ARMC3: variants seen among roughly 807,000 people sequenced by gnomAD.
ARMC3 encodes the protein armadillo repeat containing 3.
Under a neutral mutation model 90.3 loss-of-function variants are expected in ARMC3, and 74 were observed. The observed-to-expected ratio is 0.82, with a 90% confidence interval of 0.68 to 0.99. The LOEUF (loss-of-function observed/expected upper bound fraction) is 0.99, where lower values mean the gene tolerates loss of function less well. ARMC3 is among the 50% of genes least tolerant of loss of function. The pLI, the probability that ARMC3 is intolerant of heterozygous loss-of-function variation, is 0.00. For missense variants in ARMC3, 958 were observed against 1,042.8 expected (o/e 0.92, Z 1.12); for synonymous variants, 334 against 361.8 (o/e 0.92, Z 0.87).
chr10:22,981,314 A>T (rs1836170882), intron 8 of ARMC3, 26 bp from the exon 9 acceptor site: 4 of 1,565,708 alleles, frequency 2.6e-6, no homozygotes, highest in South Asian at 2.4e-5. Context: ...AAAATTCTGA[A>T]TTTTTTTCCC....
intron 1 of ARMC3, among the ~76,000 whole-genome samples, chr10:22,929,315 AGAAAGGAAAG>A (rs144228471): frequency 0.026 from 3,852 of 150,592 alleles, 62 homozygotes; most frequent in African/African-American, 0.036. Flanking sequence ...AAAAAGAAAA[AGAAAGGAAAG>A]GAAAGGAAAG....
At chr10:22,963,534 G>A (rs1835294320) in intron 7 of ARMC3, among the ~76,000 whole-genome samples, 1 of 151,944 alleles carries the variant, frequency 6.6e-6, no homozygotes, top group African/African-American at 2.4e-5. Context: ...TTTTTATTCA[G>A]CATTGTCCTG....
chr10:22,968,196 C>A, intron 7 of ARMC3, 110 bp from the exon 8 acceptor site: 2 of 1,024,900 alleles, frequency 2.0e-6, no homozygotes, highest in Non-Finnish European at 2.9e-6. Context: ...TCTGTCACAA[C>A]AAAAATCATG....
chr10:23,019,037 C>T (rs960861346), intron 16 of ARMC3, among the ~76,000 whole-genome samples: 3 of 152,210 alleles, frequency 2.0e-5, no homozygotes, highest in Admixed American at 6.5e-5. Flanking sequence ...TGCTGGTTCT[C>T]CCAATGTGGG....
At chr10:23,030,954 A>G in intron 17 of ARMC3, 158 bp downstream of exon 17, 1 of 803,974 alleles carries the variant, frequency 1.2e-6, no homozygotes, top group South Asian at 2.2e-5. Context: ...AAAGTCCTCA[A>G]CTTCTATTTA....
intron 7 of ARMC3, among the ~76,000 whole-genome samples, chr10:22,963,437 A>G (rs1052752749): frequency 1.3e-5 from 2 of 152,168 alleles, no homozygotes; most frequent in African/African-American, 2.4e-5. Context: ...TTCAAAGAAC[A>G]CAAAAATATA....
chr10:22,951,976 A>G (rs1351483411), intron 3 of ARMC3, among the ~76,000 whole-genome samples: 1 of 151,920 alleles, frequency 6.6e-6, no homozygotes, highest in Non-Finnish European at 1.5e-5. Context: ...CAAAATACAG[A>G]AAATTAGGTG....
chr10:23,026,648 A>G (rs1838727017), intron 16 of ARMC3, among the ~76,000 whole-genome samples: 1 of 152,188 alleles, frequency 6.6e-6, no homozygotes, highest in South Asian at 2.1e-4. Context: ...ATCACATCAT[A>G]CTTAATGGTA....
At chr10:22,984,882 T>G (rs980704215) in intron 10 of ARMC3, among the ~76,000 whole-genome samples, 8 of 137,398 alleles carry the variant, frequency 5.8e-5, no homozygotes, top group Admixed American at 2.8e-4. Flanking sequence ...CAACCTTCTG[T>G]TTTTTTTTTA....
intron 1 of ARMC3, among the ~76,000 whole-genome samples, chr10:22,929,267 G>GGAGA (rs931480338): frequency 7.6e-6 from 1 of 131,234 alleles, no homozygotes; most frequent in East Asian, 2.1e-4. Context: ...AGAGAGAGAG[G>GGAGA]GAGAGAGAGA....
chr10:22,959,099 G>T lies in ARMC3; in HGVS notation c.322G>T (p.Asp108Tyr). Residue 108 changes from aspartate (D) to tyrosine (Y), a missense_variant, in exon 5 of 19, where the codon GAT (aspartate) becomes TAT (tyrosine). By Grantham distance (160) the Asp-to-Tyr change is radical (BLOSUM62 -3). Transcript: ENST00000298032. Reference protein sequence around the residue: ...NDVKKLLRELDVMNSVIAQLA... With the variant: ...NDVKKLLRELYVMNSVIAQLA... ...TGTTAAAAAATTGTTAAGGGAGTTA[G>T]ATGTCATGAATTCTGTCATTGCCCA... 1.2e-6 allele frequency: 2 copies of T among 1,613,004 alleles called. No homozygotes were observed. The highest frequency in any genetic ancestry group is 1.7e-6 in the Non-Finnish European group (2 of 1,179,008).
chr10:23,000,076 G>A (rs763439155), intron 11 of ARMC3, among the ~76,000 whole-genome samples: 12 of 151,834 alleles, frequency 7.9e-5, no homozygotes, highest in Non-Finnish European at 1.8e-4. Flanking sequence ...TCTTTCTAAC[G>A]TGTGGCCCTG....
chr10:23,015,018 A>T (rs1321930921), intron 16 of ARMC3, among the ~76,000 whole-genome samples: 2 of 152,152 alleles, frequency 1.3e-5, no homozygotes, highest in Admixed American at 6.5e-5. Flanking sequence ...AAAATAAATT[A>T]AAAAAGTGAG....
chr10:22,957,592 G>A (rs1190753139), intron 4 of ARMC3, among the ~76,000 whole-genome samples: 1 of 152,172 alleles, frequency 6.6e-6, no homozygotes, highest in Non-Finnish European at 1.5e-5. Flanking sequence ...CAAGGGGCCA[G>A]GCACTGTGCT....
rs200147162 is a variant in ARMC3 at position 23,002,069 on chromosome 10, A to G, written c.1562+14A>G. On this transcript the variant is annotated intron_variant, in intron 12 of 18. Coordinates refer to ENST00000298032, the MANE Select transcript of ARMC3 (RefSeq NM_173081.5). ...ATGCAGGCTCGGGTGAGTGGATGCC[A>G]TCTCAAGTTTCTGGCTCAGATGAAG... is the stretch of plus-strand genomic sequence containing the variant. The G allele has an allele frequency of 9.6e-5, 154 of 1,611,798 alleles. No individual in the cohort carries two copies. The highest frequency in any genetic ancestry group is 1.3e-4 in the Non-Finnish European group (151 of 1,179,112).
intron 16 of ARMC3, among the ~76,000 whole-genome samples, chr10:23,010,574 C>T (rs571063872): frequency 1.3e-4 from 18 of 136,968 alleles, no homozygotes; most frequent in African/African-American, 4.6e-4. Flanking sequence ...CTTCTCTCCC[C>T]TCTCTTTCCC....
At chr10:22,958,716 T>A (rs191997802) in intron 4 of ARMC3, among the ~76,000 whole-genome samples, 4 of 152,150 alleles carry the variant, frequency 2.6e-5, no homozygotes, top group Non-Finnish European at 4.4e-5. Context: ...CAGTAGATAC[T>A]ACCATTATCA....
At chr10:23,013,706 T>G (rs1444660560) in intron 16 of ARMC3, among the ~76,000 whole-genome samples, 1 of 152,234 alleles carries the variant, frequency 6.6e-6, no homozygotes, top group Non-Finnish European at 1.5e-5. Flanking sequence ...ATGCTGTACA[T>G]TAGATCTCCA....
intron 2 of ARMC3, among the ~76,000 whole-genome samples, chr10:22,943,375 CT>C (rs780736106): frequency 2.0e-5 from 3 of 151,814 alleles, no homozygotes; most frequent in Non-Finnish European, 1.5e-5. Flanking sequence ...AGCAATTTTC[CT>C]TTGTTTTCCC....
Sources: gnomAD v4.1 joint callset for allele counts (sites outside exome capture counted in the v4.1 genomes callset) on GRCh38, gnomAD v4.1.1 for gene constraint, MANE v1.5 for transcripts, NCBI Gene and HGNC (gene_info 2026-07-23, HGNC 2026-07-21) for gene names.